PTPN14: variants seen among roughly 807,000 people sequenced by gnomAD.
The protein encoded by PTPN14 is protein tyrosine phosphatase non-receptor type 14, also known as tyrosine-protein phosphatase non-receptor type 14.
A neutral mutation model predicts 126.8 loss-of-function variants in PTPN14; 53 were observed. The ratio of observed to expected loss-of-function variants is 0.42; its 90% confidence interval spans 0.34 to 0.53. The LOEUF is 0.53. Among genes scored for constraint, PTPN14 ranks in the 20% least tolerant of loss-of-function variants. PTPN14 has a pLI of 0.08. For missense variants in PTPN14, 1,257 were observed against 1,552.9 expected (o/e 0.81, Z 3.20); for synonymous variants, 630 against 599.3 (o/e 1.05, Z -0.75).
chr1:214,485,454 C>A (rs1200248235), intron 1 of PTPN14, among the ~76,000 whole-genome samples: 2 of 152,210 alleles, frequency 1.3e-5, no homozygotes, highest in Non-Finnish European at 2.9e-5. Flanking sequence ...TGATAACCAC[C>A]GGGATCAAGT....
At chr1:214,505,379 C>T (rs1000467997) in intron 1 of PTPN14, among the ~76,000 whole-genome samples, 3 of 152,192 alleles carry the variant, frequency 2.0e-5, no homozygotes, top group African/African-American at 7.2e-5. Context: ...TGGTCAATGT[C>T]CAATTCCAAA....
At chr1:214,478,430 G>A (rs1189197086) in intron 1 of PTPN14, among the ~76,000 whole-genome samples, 3 of 152,112 alleles carry the variant, frequency 2.0e-5, no homozygotes, top group South Asian at 4.1e-4. Context: ...AGGTTTATAT[G>A]AGCTTGGAGA....
intron 2 of PTPN14, among the ~76,000 whole-genome samples, chr1:214,460,556 G>A (rs866188619): frequency 3.4e-4 from 21 of 62,420 alleles, no homozygotes; most frequent in Middle Eastern, 9.8e-3. Flanking sequence ...CACACACACA[G>A]ATCAGTGCAA....
chr1:214,469,917 A>G (rs1660716171), intron 1 of PTPN14, among the ~76,000 whole-genome samples: 1 of 151,776 alleles, frequency 6.6e-6, no homozygotes, highest in Non-Finnish European at 1.5e-5. Context: ...TTTAAAAAAT[A>G]AACAGAAATA....
intron 3 of PTPN14, among the ~76,000 whole-genome samples, chr1:214,445,145 G>A (rs1243177651): frequency 6.6e-6 from 1 of 152,142 alleles, no homozygotes; most frequent in East Asian, 1.9e-4. Context: ...GAATACCCAG[G>A]ACTTTGGAAG....
At chr1:214,370,353 C>T (rs889297744) in intron 16 of PTPN14, among the ~76,000 whole-genome samples, 1 of 151,536 alleles carries the variant, frequency 6.6e-6, no homozygotes, top group African/African-American at 2.4e-5. Flanking sequence ...AGGGGCCAGG[C>T]GATCAGAGAG....
Position 214,357,708 on chromosome 1 carries a change from A to G in PTPN14, c.*214T>C. 2.2e-6 allele frequency: 1 copy of G among 445,432 alleles called. No homozygotes were observed. The highest frequency in any genetic ancestry group is 4.0e-6 in the Non-Finnish European group (1 of 246,946). 27.6% of individuals were successfully genotyped at this position (445,432 alleles called of 1,614,324 possible). On this transcript the variant is annotated 3_prime_UTR_variant, in exon 19 of 19. Transcript: ENST00000366956. ...ATATTACTAGGGAAACTGCATTATA[A>G]TAATTCACAAAAGTTATTCCAAAGG... is the stretch of plus-strand genomic sequence containing the variant.
chr1:214,443,489 T>C (rs1660078481), intron 3 of PTPN14, among the ~76,000 whole-genome samples: 1 of 152,140 alleles, frequency 6.6e-6, no homozygotes, highest in African/African-American at 2.4e-5. Context: ...TTACTTTTTC[T>C]CTTTGATCAC....
chr1:214,549,197 T>C (rs576090863), intron 1 of PTPN14, among the ~76,000 whole-genome samples: 1 of 152,146 alleles, frequency 6.6e-6, no homozygotes, highest in Non-Finnish European at 1.5e-5. Flanking sequence ...TCAGCCACTA[T>C]GAACAATACT....
chr1:214,467,843 T>C (rs548899817), intron 1 of PTPN14, among the ~76,000 whole-genome samples: 1 of 152,162 alleles, frequency 6.6e-6, no homozygotes, highest in Non-Finnish European at 1.5e-5. Context: ...ACTTTTAAAA[T>C]CTCCAGTTGA....
At chr1:214,381,242 G>T (rs1446224979) in intron 13 of PTPN14, among the ~76,000 whole-genome samples, 1 of 152,222 alleles carries the variant, frequency 6.6e-6, no homozygotes, top group Non-Finnish European at 1.5e-5. Context: ...GAGGTTATGG[G>T]ACCATGTGGA....
At chr1:214,518,405 T>C (rs995388592) in intron 1 of PTPN14, among the ~76,000 whole-genome samples, 6 of 152,230 alleles carry the variant, frequency 3.9e-5, no homozygotes, top group African/African-American at 1.4e-4. Context: ...CACATCTTCA[T>C]TTCATTAAGG....
intron 1 of PTPN14, among the ~76,000 whole-genome samples, chr1:214,536,724 A>C (rs1655717975): frequency 6.6e-6 from 1 of 152,184 alleles, no homozygotes; most frequent in African/African-American, 2.4e-5. Flanking sequence ...CAAAAAAATA[A>C]AAAAATACAG....
chr1:214,542,848 C>T (rs1317028134), intron 1 of PTPN14, among the ~76,000 whole-genome samples: 1 of 152,126 alleles, frequency 6.6e-6, no homozygotes, highest in African/African-American at 2.4e-5. Flanking sequence ...TGTGGAGAAC[C>T]TTAAACATCA....
chr1:214,402,013 T>C (rs1659029763), intron 6 of PTPN14, among the ~76,000 whole-genome samples: 1 of 152,152 alleles, frequency 6.6e-6, no homozygotes, highest in Non-Finnish European at 1.5e-5. Context: ...GCCACAGCCC[T>C]GTAAACATGA....
intron 3 of PTPN14, among the ~76,000 whole-genome samples, chr1:214,432,156 A>T (rs1332296219): frequency 6.6e-6 from 1 of 151,940 alleles, no homozygotes; most frequent in African/African-American, 2.4e-5. Flanking sequence ...GCAACACTGC[A>T]CTACAGCCTG....
chr1:214,434,702 C>T (rs935334756), intron 3 of PTPN14, among the ~76,000 whole-genome samples: 2 of 152,052 alleles, frequency 1.3e-5, no homozygotes, highest in South Asian at 2.1e-4. Context: ...AAATTGGAGT[C>T]GCCCTGGATG....
At chr1:214,512,697 C>T (rs1655007653) in intron 1 of PTPN14, among the ~76,000 whole-genome samples, 2 of 151,978 alleles carry the variant, frequency 1.3e-5, no homozygotes, top group Admixed American at 6.6e-5. Flanking sequence ...TAAAAAAATA[C>T]GTATTATTTT....
chr1:214,515,108 C>A (rs1439554316), intron 1 of PTPN14, among the ~76,000 whole-genome samples: 2 of 152,180 alleles, frequency 1.3e-5, no homozygotes, highest in Non-Finnish European at 2.9e-5. Context: ...GGAATGGCAG[C>A]TTTTCCATGC....
Sources: gnomAD v4.1 joint callset for allele counts (sites outside exome capture counted in the v4.1 genomes callset) on GRCh38, gnomAD v4.1.1 for gene constraint, MANE v1.5 for transcripts, NCBI Gene and HGNC (gene_info 2026-07-23, HGNC 2026-07-21) for gene names.